The following SRGAP2C variants were observed in gnomAD, a reference collection of about 807,000 sequenced individuals.
SRGAP2C encodes the protein SLIT-ROBO Rho GTPase-activating protein 2C.
A neutral mutation model predicts 25.1 loss-of-function variants in SRGAP2C; 15 were observed. The observed-to-expected ratio is 0.60, with a 90% CI of 0.40 to 0.92. The LOEUF (loss-of-function observed/expected upper bound fraction) is 0.92. Among genes scored for constraint, SRGAP2C ranks in the 40% least tolerant of loss-of-function variants. The pLI is 0.00. For missense variants in SRGAP2C, 144 were observed against 264.4 expected, an observed-to-expected ratio of 0.54 and a Z score of 3.16; for synonymous variants, 44 against 96.6, an observed-to-expected ratio of 0.46 and a Z score of 3.19.
At position 121,233,718 on chromosome 1, in the gene SRGAP2C, CT is replaced by C. The variant is rs71209865; in HGVS notation, c.67+46214del. On this transcript the variant is annotated intron_variant, in intron 2 of 9. Transcript: ENST00000367123. ...TTTTTCTTTCTCTCTGTCTCTCTCTCTTTTTTTTTCCCCCAGTAACAGTTTA... is the reference window on the plus strand; with the variant it reads ...TTTTTCTTTCTCTCTGTCTCTCTCTCTTTTTTTTCCCCCAGTAACAGTTTA... Among the ~76,000 whole-genome samples, 20 of 141,442 alleles carry C rather than the reference CT, an allele frequency of 1.4e-4. No homozygotes were observed. In the South Asian group the frequency reaches 1.7e-3, roughly 12 times the overall value. 92.8% of individuals were successfully genotyped at this position (141,442 alleles called of 152,430 possible).
intron 4 of SRGAP2C, among the ~76,000 whole-genome samples, chr1:121,349,073 CT>C (rs1246347427): frequency 7.8e-6 from 1 of 128,296 alleles, no homozygotes; most frequent in Admixed American, 8.3e-5. Flanking sequence ...AGGAGAGCAG[CT>C]TGAAACAAAG....
chr1:121,219,001 C>G (rs1372818754), intron 2 of SRGAP2C, among the ~76,000 whole-genome samples: 2 of 152,332 alleles, frequency 1.3e-5, no homozygotes, highest in South Asian at 4.1e-4. Flanking sequence ...TTGCCCATAT[C>G]TAATTCAGGA....
chr1:121,375,811 A>G (rs587595418), intron 7 of SRGAP2C, among the ~76,000 whole-genome samples: 35 of 152,014 alleles, frequency 2.3e-4, no homozygotes, highest in African/African-American at 8.0e-4. Flanking sequence ...TCCAGTTGCT[A>G]GATAAGGAAG....
intron 2 of SRGAP2C, among the ~76,000 whole-genome samples, chr1:121,279,707 T>G (rs1657198205): frequency 7.2e-6 from 1 of 139,080 alleles, no homozygotes; most frequent in Non-Finnish European, 1.6e-5. Flanking sequence ...CATGGGTGTG[T>G]CTGGTGATGC....
At chr1:121,347,531 T>C (rs1236797159) in intron 4 of SRGAP2C, among the ~76,000 whole-genome samples, 2 of 151,740 alleles carry the variant, frequency 1.3e-5, no homozygotes, top group African/African-American at 2.4e-5. Flanking sequence ...TCTTTATGCC[T>C]AGGGTTTACC....
At position 121,335,343 on chromosome 1, in the gene SRGAP2C, A is replaced by AAAATAAATAAAT. The variant is rs1243682707; in HGVS notation, c.423+10739_423+10750dup. On this transcript the variant is annotated intron_variant, in intron 4 of 9. Transcript: ENST00000367123. ...GAGACAGAGCAAGACTCCATCTCAA[A>AAAATAAATAAAT]AAATAAATAAATAAATAAATAAATA... 3.4e-4 allele frequency among the ~76,000 whole-genome samples: 37 copies of AAAATAAATAAAT among 109,742 alleles called. 1 individual carries two copies. The highest frequency in any genetic ancestry group is 5.1e-4 in the Non-Finnish European group (28 of 55,358). The allele number at this position is 109,742 out of a possible 152,430, so 72.0% of individuals were successfully genotyped here.
intron 2 of SRGAP2C, among the ~76,000 whole-genome samples, chr1:121,192,229 A>C (rs1216964246): frequency 4.5e-4 from 68 of 150,914 alleles, no homozygotes; most frequent in African/African-American, 1.6e-3. Context: ...AGGGAGCTTT[A>C]AATATAATCA....
chr1:121,332,588 A>T (rs1658455700), intron 4 of SRGAP2C, among the ~76,000 whole-genome samples: 1 of 151,950 alleles, frequency 6.6e-6, no homozygotes, highest in Admixed American at 6.6e-5. Context: ...GCCATTAGTG[A>T]ATCAGTCACA....
intron 4 of SRGAP2C, among the ~76,000 whole-genome samples, chr1:121,364,868 C>T (rs1256209937): frequency 5.5e-5 from 1 of 18,344 alleles, no homozygotes; most frequent in African/African-American, 2.1e-4. Context: ...TAGTTAGGGA[C>T]TTTGAAGTCC....
intron 4 of SRGAP2C, among the ~76,000 whole-genome samples, chr1:121,339,232 T>C (rs1658591668): frequency 6.7e-6 from 1 of 149,032 alleles, no homozygotes; most frequent in Non-Finnish European, 1.5e-5. Context: ...ATATTCCTTA[T>C]GGTTCTTTGG....
At chr1:121,191,384 T>C (rs1224317080) in intron 2 of SRGAP2C, among the ~76,000 whole-genome samples, 2 of 152,002 alleles carry the variant, frequency 1.3e-5, no homozygotes, top group Admixed American at 1.3e-4. Flanking sequence ...ATACTGCTTT[T>C]AAAATTTGTA....
intron 3 of SRGAP2C, among the ~76,000 whole-genome samples, chr1:121,297,630 C>T (rs1657624663): frequency 6.6e-6 from 1 of 150,600 alleles, no homozygotes; most frequent in South Asian, 2.1e-4. Context: ...AAAGTCAATC[C>T]TGATAGTTAA....
At chr1:121,279,292 T>G (rs1208186074) in intron 2 of SRGAP2C, among the ~76,000 whole-genome samples, 1 of 150,764 alleles carries the variant, frequency 6.6e-6, no homozygotes, top group East Asian at 2.0e-4. Flanking sequence ...AGAAAATTCC[T>G]GAAGAAGAAG....
chr1:121,305,969 G>C (rs1251992527), intron 3 of SRGAP2C, among the ~76,000 whole-genome samples: 1 of 152,178 alleles, frequency 6.6e-6, no homozygotes, highest in Non-Finnish European at 1.5e-5. Flanking sequence ...CCATCAGGAT[G>C]GGACTGTGTT....
At position 121,263,535 on chromosome 1, in the gene SRGAP2C, A is replaced by T. The variant is rs587631381; in HGVS notation, c.68-21268A>T. ...TTAAAATTACTAATAACTTTTTGAG[A>T]CATGTAAAATCATGACAAATTCTAC... On this transcript the variant is annotated intron_variant, in intron 2 of 9. Coordinates refer to ENST00000367123, the MANE Select transcript of SRGAP2C (RefSeq NM_001329984.2). Among the ~76,000 whole-genome samples, 16 of 151,532 alleles carry T rather than the reference A, an allele frequency of 1.1e-4. 1 individual carries two copies. In the South Asian group the frequency reaches 3.3e-3, roughly 32 times the overall value.
intron 4 of SRGAP2C, among the ~76,000 whole-genome samples, chr1:121,348,436 TTGAG>T (rs1658809189): frequency 6.6e-6 from 1 of 151,238 alleles, no homozygotes; most frequent in African/African-American, 2.4e-5. Context: ...TTAAAGCTGA[TTGAG>T]TTTTAGATTT....
At chr1:121,309,535 C>G (rs2101594463) in intron 3 of SRGAP2C, among the ~76,000 whole-genome samples, 1 of 151,054 alleles carries the variant, frequency 6.6e-6, no homozygotes, top group South Asian at 2.1e-4. Context: ...AACTCGTCAT[C>G]TAGCATTAGG....
intron 2 of SRGAP2C, among the ~76,000 whole-genome samples, chr1:121,198,291 TTTG>T (rs1654890857): frequency 6.6e-6 from 1 of 150,604 alleles, no homozygotes; most frequent in African/African-American, 2.4e-5. Flanking sequence ...GTTTTTTTTT[TTTG>T]TTTGTTTGTT....
chr1:121,237,769 C>A (rs1553328980), intron 2 of SRGAP2C, among the ~76,000 whole-genome samples: 1 of 144,832 alleles, frequency 6.9e-6, no homozygotes, highest in African/African-American at 2.6e-5. Flanking sequence ...AGTCTGTATT[C>A]CCTAGAAAGA....
Sources: allele counts gnomAD v4.1 joint callset (sites outside exome capture counted in the v4.1 genomes callset), GRCh38; gene constraint gnomAD v4.1.1; transcripts MANE v1.5; gene names NCBI Gene and HGNC (gene_info 2026-07-23, HGNC 2026-07-21).